Variants in CHN1 observed in about 807,000 individuals in gnomAD.
CHN1 encodes chimerin 1.
A neutral mutation model predicts 59.5 loss-of-function variants in CHN1; 37 were observed. That is an observed-to-expected ratio of 0.62 (90% CI 0.48 to 0.82). The LOEUF (loss-of-function observed/expected upper bound fraction) is 0.82, where lower values mean the gene tolerates loss of function less well. Among genes scored for constraint, CHN1 ranks in the 40% least tolerant of loss-of-function variants. The pLI is 0.00. For missense variants in CHN1, 469 were observed against 571.0 expected, an observed-to-expected ratio of 0.82 and a Z score of 1.82; for synonymous variants, 206 against 200.4, an observed-to-expected ratio of 1.03 and a Z score of -0.24.
chr2:174,964,046 C>A (rs915928533), intron 1 of CHN1, among the ~76,000 whole-genome samples: 1 of 152,128 alleles, frequency 6.6e-6, no homozygotes, highest in Non-Finnish European at 1.5e-5. Flanking sequence ...AGAATTTTTT[C>A]ATTTTTTTAT....
rs151183574 is a variant in CHN1 at position 174,819,693 on chromosome 2, T to C, written c.712+4741A>G. Among the ~76,000 whole-genome samples, 818 of 152,196 alleles carry C rather than the reference T, an allele frequency of 5.4e-3. 4 individuals are homozygous for C. Among genetic ancestry groups the C allele is most frequent in the African/African-American group, 0.019 (778 of 41,532 alleles). On this transcript the variant is annotated intron_variant, in intron 8 of 12. Coordinates refer to ENST00000409900, the MANE Select transcript of CHN1 (RefSeq NM_001822.7). ...ATTATTATTATTATACTTTAAGTTT[T>C]AGGGTACATGTGCACAATGTGCAGG...
chr2:174,808,411 G>C (rs367775241), intron 11 of CHN1, among the ~76,000 whole-genome samples: 1 of 152,218 alleles, frequency 6.6e-6, no homozygotes, highest in Non-Finnish European at 1.5e-5. Context: ...AGCCTCCTGA[G>C]TAGCTGGGAC....
chr2:174,929,047 T>C (rs1166640918), intron 3 of CHN1, among the ~76,000 whole-genome samples: 2 of 152,210 alleles, frequency 1.3e-5, no homozygotes, highest in Admixed American at 6.5e-5. Context: ...TTTACTTCTA[T>C]TACTCCATTT....
At chr2:174,941,620 T>G (rs1689665363) in intron 3 of CHN1, among the ~76,000 whole-genome samples, 1 of 149,324 alleles carries the variant, frequency 6.7e-6, no homozygotes, top group African/African-American at 2.4e-5. Flanking sequence ...AGTTGTGACT[T>G]TTGAACTTTG....
chr2:174,885,106 T>C (rs1314270745), intron 5 of CHN1, among the ~76,000 whole-genome samples: 1 of 149,732 alleles, frequency 6.7e-6, no homozygotes, highest in African/African-American at 2.5e-5. Context: ...GCTAACATGG[T>C]GAAACCCCAT....
At chr2:174,800,649 C>T (rs1373885924) in intron 12 of CHN1, among the ~76,000 whole-genome samples, 2 of 152,174 alleles carry the variant, frequency 1.3e-5, no homozygotes, top group African/African-American at 4.8e-5. Flanking sequence ...ACCCACCCTC[C>T]CTTCACTCTG....
In CHN1 at chr2:174,970,698, C is replaced by G. The variant is rs141295402; in HGVS notation, c.20-18496G>C. Among the ~76,000 whole-genome samples, 928 of 152,162 alleles carry G rather than the reference C, an allele frequency of 6.1e-3. 10 individuals carry two copies. Among genetic ancestry groups the G allele is most frequent in the African/African-American group, 0.021 (879 of 41,508 alleles). On this transcript the variant is annotated intron_variant, in intron 1 of 12. Transcript: ENST00000409900. ...AGATCCAGTCAAATACAAGATAGAA[C>G]AGGAGATCATAATGTACGAGAGTAA...
intron 7 of CHN1, among the ~76,000 whole-genome samples, chr2:174,842,976 A>G (rs1686365713): frequency 6.6e-6 from 1 of 152,190 alleles, no homozygotes. Flanking sequence ...ACTACCTTAA[A>G]AAATTAAACT....
In CHN1 at chr2:174,898,880, A is replaced by G. The variant is rs545144222; in HGVS notation, c.260+16178T>C. Among the ~76,000 whole-genome samples, 58 of 152,336 alleles carry G rather than the reference A, an allele frequency of 3.8e-4. No individual in the cohort carries two copies. The South Asian group carries it at 0.011, about 30-fold the overall frequency. On this transcript the variant is annotated intron_variant, in intron 5 of 12. Coordinates refer to ENST00000409900, the MANE Select transcript of CHN1 (RefSeq NM_001822.7). ...TGTATAAACAGGAAGTCCCTAAAAT[A>G]TTCCCGATTACCTAGTATTGCCACC...
intron 1 of CHN1, among the ~76,000 whole-genome samples, chr2:174,986,790 G>A (rs764829064): frequency 7.2e-5 from 11 of 152,240 alleles, no homozygotes; most frequent in Non-Finnish European, 1.3e-4. Context: ...AGGCTGGAGT[G>A]CAATGGCGCG....
chr2:174,886,588 ACT>A (rs1163879743), intron 5 of CHN1, among the ~76,000 whole-genome samples: 1 of 151,958 alleles, frequency 6.6e-6, no homozygotes, highest in African/African-American at 2.4e-5. Flanking sequence ...ATTATTGAGC[ACT>A]CTTTTGCAAT....
chr2:174,867,840 C>G (rs1320844189), intron 6 of CHN1, among the ~76,000 whole-genome samples: 1 of 152,126 alleles, frequency 6.6e-6, no homozygotes, highest in African/African-American at 2.4e-5. Flanking sequence ...GAAGGACAAA[C>G]AGCAGAATAT....
chr2:174,820,925 C>T (rs1376094218), intron 8 of CHN1, among the ~76,000 whole-genome samples: 1 of 152,148 alleles, frequency 6.6e-6, no homozygotes, highest in Non-Finnish European at 1.5e-5. Context: ...GACAAGCTCT[C>T]TTTTGCCTCG....
In CHN1 at chr2:174,993,191, T is replaced by C. The variant is rs182613763; in HGVS notation, c.19+11703A>G. Among the ~76,000 whole-genome samples the C allele has an allele frequency of 3.9e-4, 58 of 148,472 alleles. No individual in the cohort carries two copies. In the East Asian group the frequency reaches 0.011, roughly 29 times the overall value. ...GAATCCTGTTATGTCAGTTTAGCAA[T>C]AATTCCCCCACCCTTGATGTCTCCT... On this transcript the variant is annotated intron_variant, in intron 1 of 12. Transcript: ENST00000409900.
At chr2:174,891,819 A>G (rs1171213543) in intron 5 of CHN1, among the ~76,000 whole-genome samples, 1 of 150,600 alleles carries the variant, frequency 6.6e-6, no homozygotes, top group Non-Finnish European at 1.5e-5. Context: ...ACAACAGAGG[A>G]AAAAAAACCA....
At chr2:174,888,527 T>C (rs1244899011) in intron 5 of CHN1, among the ~76,000 whole-genome samples, 2 of 152,196 alleles carry the variant, frequency 1.3e-5, no homozygotes. Context: ...ATTCAGTGCA[T>C]TTAATAAGAT....
intron 6 of CHN1, among the ~76,000 whole-genome samples, chr2:174,867,294 C>T (rs186672867): frequency 1.1e-4 from 17 of 151,596 alleles, no homozygotes; most frequent in Admixed American, 9.9e-4. Flanking sequence ...TGAGAATCAC[C>T]TGAACTCGGG....
chr2:174,807,173 G>A (rs1175659401), intron 11 of CHN1, among the ~76,000 whole-genome samples: 2 of 152,166 alleles, frequency 1.3e-5, no homozygotes, highest in East Asian at 3.9e-4. Flanking sequence ...TGGGTGTGGG[G>A]AAGGAAGGAG....
intron 1 of CHN1, among the ~76,000 whole-genome samples, chr2:174,982,373 A>G (rs1235977463): frequency 2.0e-5 from 3 of 152,162 alleles, no homozygotes; most frequent in Admixed American, 2.0e-4. Flanking sequence ...GAATTGCCAC[A>G]CTGACTTCCA....
Sources: allele counts gnomAD v4.1 joint callset (sites outside exome capture counted in the v4.1 genomes callset), GRCh38; gene constraint gnomAD v4.1.1; transcripts MANE v1.5; gene names NCBI Gene and HGNC (gene_info 2026-07-23, HGNC 2026-07-21).